Variants in PLEKHA2 observed in about 807,000 individuals in gnomAD.
PLEKHA2 encodes pleckstrin homology domain-containing family A member 2.
In PLEKHA2, 28 loss-of-function variants were observed where a neutral mutation model predicts 53.2. The ratio of observed to expected loss-of-function variants is 0.53; its 90% CI spans 0.39 to 0.72. The LOEUF is 0.72. Among genes scored for constraint, PLEKHA2 ranks in the 30% least tolerant of loss-of-function variants. The probability of loss-of-function intolerance (pLI) is 0.00; values close to 1 mark genes in which losing one functional copy is unlikely to be tolerated. For synonymous variants in PLEKHA2, 193 were observed against 196.4 expected (o/e 0.98, Z 0.14); for missense variants, 426 against 537.9 (o/e 0.79, Z 2.06).
intron 3 of PLEKHA2, among the ~76,000 whole-genome samples, chr8:38,941,187 G>T (rs1834605791): frequency 6.6e-6 from 1 of 151,822 alleles, no homozygotes; most frequent in Non-Finnish European, 1.5e-5. Flanking sequence ...CTCCCAAGTA[G>T]CTGGGATTAC....
At chr8:38,928,719 C>T (rs545013766) in intron 2 of PLEKHA2, among the ~76,000 whole-genome samples, 5 of 152,242 alleles carry the variant, frequency 3.3e-5, no homozygotes, top group East Asian at 1.9e-4. Flanking sequence ...ATTAAGCCCA[C>T]GCAGCAGAGG....
chr8:38,918,677 ACCC>A, intron 2 of PLEKHA2, among the ~76,000 whole-genome samples: 2 of 140,526 alleles, frequency 1.4e-5, no homozygotes, highest in Non-Finnish European at 3.1e-5. Flanking sequence ...ATACACACAC[ACCC>A]CCACGCACAC....
In PLEKHA2 at chr8:38,943,792, A is replaced by T; in HGVS notation, c.202A>T (p.Ser68Cys). 1 of 1,571,084 alleles carries T rather than the reference A, an allele frequency of 6.4e-7. No homozygotes were observed. The highest frequency in any genetic ancestry group is 1.2e-5 in the South Asian group (1 of 84,712). ...TTTTATTTCTTATTTGATTTAGGTG[A>T]GCATAGCTACCCCAAAACAGAAACC... The part of the protein sequence containing the change: ...ALQLTYISKV[S>C]IATPKQKPKT... The change falls in exon 4 of 12, where the codon AGC becomes TGC. Residue 68 changes from serine (S) to cysteine (C), a missense_variant. Transcript: ENST00000617275.
At chr8:38,936,726 T>C (rs1834502135) in intron 3 of PLEKHA2, among the ~76,000 whole-genome samples, 1 of 152,236 alleles carries the variant, frequency 6.6e-6, no homozygotes, top group African/African-American at 2.4e-5. Flanking sequence ...ATTCAGCTTC[T>C]ATTAGCAGCC....
chr8:38,939,933 T>A (rs1588257258), intron 3 of PLEKHA2, among the ~76,000 whole-genome samples: 1 of 150,802 alleles, frequency 6.6e-6, no homozygotes, highest in African/African-American at 2.4e-5. Flanking sequence ...AAAAAAAATT[T>A]AAAAAATAAA....
chr8:38,961,135 G>T (rs1835033074), intron 10 of PLEKHA2, among the ~76,000 whole-genome samples: 1 of 152,118 alleles, frequency 6.6e-6, no homozygotes, highest in Non-Finnish European at 1.5e-5. Context: ...TCTAGTTTTT[G>T]CTTTGAAAGC....
chr8:38,963,222 C>T (rs570116353), intron 10 of PLEKHA2, among the ~76,000 whole-genome samples: 1 of 152,200 alleles, frequency 6.6e-6, no homozygotes, highest in Non-Finnish European at 1.5e-5. Flanking sequence ...AAACTGCCCT[C>T]AAGGACAGAA....
intron 4 of PLEKHA2, among the ~76,000 whole-genome samples, chr8:38,945,659 T>C (rs1191129876): frequency 6.6e-6 from 1 of 152,216 alleles, no homozygotes; most frequent in Non-Finnish European, 1.5e-5. Context: ...GGTCACAGAT[T>C]TGATCTCAGG....
intron 5 of PLEKHA2, chr8:38,950,457 C>T (rs1207138066): frequency 6.2e-6 from 1 of 161,916 alleles, no homozygotes; most frequent in East Asian, 1.8e-4. Flanking sequence ...CTCTCTTGAT[C>T]TTCTTTGTGC....
At chr8:38,930,665 ACG>A (rs1834375840) in intron 2 of PLEKHA2, among the ~76,000 whole-genome samples, 1 of 152,102 alleles carries the variant, frequency 6.6e-6, no homozygotes, top group African/African-American at 2.4e-5. Flanking sequence ...ATGGCATGGC[ACG>A]GCATGGCACG....
chr8:38,949,282 A>G (rs186509546), intron 5 of PLEKHA2, among the ~76,000 whole-genome samples: 1 of 151,602 alleles, frequency 6.6e-6, no homozygotes, highest in Admixed American at 6.6e-5. Context: ...TGCAGACTCT[A>G]GTATAAATGA....
intron 1 of PLEKHA2, among the ~76,000 whole-genome samples, chr8:38,909,194 C>T (rs1190487015): frequency 6.6e-6 from 1 of 151,848 alleles, no homozygotes; most frequent in Non-Finnish European, 1.5e-5. Context: ...CAGGACATTA[C>T]CAGTTGTTTG....
Position 38,970,121 on chromosome 8 carries a change from G to A in PLEKHA2, c.*338G>A. Reference sequence around the variant, plus strand: ...ATTGTTTTAGCAGCTCCTCTCCAGAGGGGGCTGGAAGTCCAGTTTCACCAA... The same window carrying A: ...ATTGTTTTAGCAGCTCCTCTCCAGAAGGGGCTGGAAGTCCAGTTTCACCAA... On this transcript the variant is annotated 3_prime_UTR_variant, in exon 12 of 12. Coordinates refer to ENST00000617275, the MANE Select transcript of PLEKHA2 (RefSeq NM_021623.2). 1 of 452,608 alleles carries A rather than the reference G, an allele frequency of 2.2e-6. No homozygotes were observed. The highest frequency in any genetic ancestry group is 5.9e-5 in the South Asian group (1 of 16,824). The allele number at this position is 452,608 out of a possible 1,614,324, so 28.0% of individuals were successfully genotyped here. A position where few individuals can be genotyped will look rare whatever the true frequency, so the allele number is the denominator to read the frequency against.
intron 2 of PLEKHA2, among the ~76,000 whole-genome samples, chr8:38,934,361 A>G (rs1436071294): frequency 3.9e-5 from 6 of 152,042 alleles, no homozygotes; most frequent in African/African-American, 7.2e-5. Context: ...TAAATTTCCT[A>G]AATTCCTTTA....
At chr8:38,957,299 C>T (rs911338784) in intron 9 of PLEKHA2, 24 bp from the exon 10 acceptor site, 4 of 1,593,226 alleles carry the variant, frequency 2.5e-6, no homozygotes, top group Non-Finnish European at 3.4e-6. Flanking sequence ...CACGCCATAA[C>T]ATTCTTTCTC....
At chr8:38,920,336 A>T (rs1304927520) in intron 2 of PLEKHA2, among the ~76,000 whole-genome samples, 1 of 151,568 alleles carries the variant, frequency 6.6e-6, no homozygotes, top group Non-Finnish European at 1.5e-5. Flanking sequence ...ATTTTTTTTT[A>T]GTAGAGACGG....
At chr8:38,958,572 G>C (rs749803022) in intron 10 of PLEKHA2, among the ~76,000 whole-genome samples, 7 of 152,126 alleles carry the variant, frequency 4.6e-5, no homozygotes, top group Admixed American at 6.5e-5. Flanking sequence ...TAGTCATCTC[G>C]GGGCTATATC....
At chr8:38,962,041 C>T (rs1004335770) in intron 10 of PLEKHA2, among the ~76,000 whole-genome samples, 1 of 152,144 alleles carries the variant, frequency 6.6e-6, no homozygotes, top group African/African-American at 2.4e-5. Flanking sequence ...AAATCTCAGC[C>T]GTCTCTGAAA....
intron 2 of PLEKHA2, among the ~76,000 whole-genome samples, chr8:38,930,445 C>A (rs112210543): frequency 0.21 from 31,319 of 151,874 alleles, 3,395 homozygotes; most frequent in East Asian, 0.39. Flanking sequence ...CTCAGGTGAT[C>A]CCCCTGCCTC....
Sources: gnomAD v4.1 joint callset for allele counts (sites outside exome capture counted in the v4.1 genomes callset) on GRCh38, gnomAD v4.1.1 for gene constraint, MANE v1.5 for transcripts, NCBI Gene and HGNC (gene_info 2026-07-23, HGNC 2026-07-21) for gene names.